The following WDR70 variants were observed in gnomAD, a reference collection of about 807,000 sequenced individuals.
WDR70 encodes the protein WD repeat-containing protein 70.
A neutral mutation model predicts 88.6 loss-of-function variants in WDR70; 53 were observed. The ratio of observed to expected loss-of-function variants is 0.60; its 90% CI spans 0.48 to 0.75. The LOEUF is 0.75. Among genes scored for constraint, WDR70 ranks in the 30% least tolerant of loss-of-function variants. The probability of loss-of-function intolerance (pLI) is 0.00; values close to 1 mark genes in which losing one functional copy is unlikely to be tolerated. For synonymous variants in WDR70, 280 were observed against 270.0 expected (o/e 1.04, Z -0.36); for missense variants, 610 against 823.2 (o/e 0.74, Z 3.17).
At chr5:37,449,406 A>G (rs540132501) in intron 7 of WDR70, among the ~76,000 whole-genome samples, 1 of 152,202 alleles carries the variant, frequency 6.6e-6, no homozygotes, top group South Asian at 2.1e-4. Flanking sequence ...AGCCTGGCCA[A>G]CATGGTGAAA....
intron 10 of WDR70, among the ~76,000 whole-genome samples, chr5:37,678,740 G>A (rs1253235609): frequency 2.6e-5 from 4 of 152,116 alleles, no homozygotes; most frequent in Non-Finnish European, 5.9e-5. Flanking sequence ...GAGTATTTTT[G>A]TGGCATTCTC....
chr5:37,384,120 G>A (rs1748523543), intron 3 of WDR70, among the ~76,000 whole-genome samples: 1 of 150,626 alleles, frequency 6.6e-6, no homozygotes. Flanking sequence ...GTAAGAGATA[G>A]GAAAAACCAA....
chr5:37,558,287 C>T (rs899561333), intron 9 of WDR70, among the ~76,000 whole-genome samples: 9 of 151,686 alleles, frequency 5.9e-5, no homozygotes, highest in African/African-American at 1.9e-4. Flanking sequence ...GTAGTTTGTC[C>T]TAAATGTTTT....
chr5:37,389,354 A>G (rs1748737881), intron 3 of WDR70, among the ~76,000 whole-genome samples: 1 of 150,566 alleles, frequency 6.6e-6, no homozygotes. Context: ...TCGGCCTCTC[A>G]AAGCGCAAGG....
At chr5:37,493,323 A>G (rs1379076570) in intron 8 of WDR70, among the ~76,000 whole-genome samples, 1 of 152,170 alleles carries the variant, frequency 6.6e-6, no homozygotes, top group Non-Finnish European at 1.5e-5. Flanking sequence ...AGCATTCCTA[A>G]TGCATTCCTT....
At chr5:37,536,044 A>T (rs1190355450) in intron 9 of WDR70, among the ~76,000 whole-genome samples, 9 of 152,206 alleles carry the variant, frequency 5.9e-5, no homozygotes, top group Non-Finnish European at 1.0e-4. Context: ...CTTTGGAAGG[A>T]CAAATTTCCT....
At chr5:37,627,484 T>C (rs1020004868) in intron 10 of WDR70, among the ~76,000 whole-genome samples, 2 of 152,150 alleles carry the variant, frequency 1.3e-5, no homozygotes, top group African/African-American at 4.8e-5. Flanking sequence ...TTGTTTTTTT[T>C]CTTCATTTTC....
At chr5:37,588,560 A>C (rs1743431747) in intron 9 of WDR70, among the ~76,000 whole-genome samples, 2 of 148,464 alleles carry the variant, frequency 1.3e-5, no homozygotes, top group Admixed American at 6.7e-5. Flanking sequence ...TCTCCATACT[A>C]TATTTAAGGT....
chr5:37,467,206 G>A (rs1308414768), intron 7 of WDR70, among the ~76,000 whole-genome samples: 31 of 135,598 alleles, frequency 2.3e-4, no homozygotes, highest in African/African-American at 7.9e-4. Flanking sequence ...CAGCCTGGAC[G>A]ACAGAATGAG....
At chr5:37,574,092 T>C (rs1347453133) in intron 9 of WDR70, among the ~76,000 whole-genome samples, 1 of 152,016 alleles carries the variant, frequency 6.6e-6, no homozygotes, top group African/African-American at 2.4e-5. Flanking sequence ...TTGAGAGGGG[T>C]GGAAGCAGGA....
intron 10 of WDR70, among the ~76,000 whole-genome samples, chr5:37,673,052 C>T (rs973042664): frequency 3.3e-5 from 5 of 152,144 alleles, no homozygotes; most frequent in Admixed American, 6.5e-5. Flanking sequence ...TCTCTCCTCC[C>T]ACCCTCCACC....
At position 37,403,726 on chromosome 5, in the gene WDR70, AT is replaced by A. The variant is rs879344106; in HGVS notation, c.492+7167del. Among the ~76,000 whole-genome samples, 94 of 149,820 alleles carry A rather than the reference AT, an allele frequency of 6.3e-4. 1 individual carries two copies. In the Middle Eastern group the frequency reaches 0.014, roughly 22 times the overall value. On this transcript the variant is annotated intron_variant, in intron 5 of 17. Transcript: ENST00000265107. ...AGTGTTAACTTTTTTAAAAAAATTA[AT>A]TTTTTTTTTTAAAGATGGGGTCTTG...
In WDR70 at chr5:37,741,236, CTTTTTTTTTT is replaced by C. The variant is rs5867363; in HGVS notation, c.1878-11239_1878-11230del. On this transcript the variant is annotated intron_variant, in intron 17 of 17. Coordinates refer to ENST00000265107, the MANE Select transcript of WDR70 (RefSeq NM_018034.4). ...TACTCCCAAGCCCAAGAGCCTAGTT[CTTTTTTTTTT>C]TTTTTTTTTTAATTTAAAAAGGTCT... Among the ~76,000 whole-genome samples the C allele has an allele frequency of 4.8e-4, 66 of 138,478 alleles. 1 individual carries two copies. The highest frequency in any genetic ancestry group is 1.6e-3 in the African/African-American group (60 of 37,126). The allele number at this position is 138,478 out of a possible 152,430, so 90.8% of individuals were successfully genotyped here.
chr5:37,691,772 T>C (rs552664291), intron 10 of WDR70, among the ~76,000 whole-genome samples: 16 of 152,220 alleles, frequency 1.1e-4, no homozygotes, highest in Admixed American at 7.8e-4. Flanking sequence ...AGATCTAAAA[T>C]TGACACCCTA....
At chr5:37,499,614 T>TCTCTCTCC (rs1740342810) in intron 8 of WDR70, among the ~76,000 whole-genome samples, 1 of 150,110 alleles carries the variant, frequency 6.7e-6, no homozygotes, top group Non-Finnish European at 1.5e-5. Context: ...TCTCTCTCTC[T>TCTCTCTCC]CTCTCTCTCT....
At chr5:37,629,278 G>T (rs1420960423) in intron 10 of WDR70, among the ~76,000 whole-genome samples, 3 of 152,146 alleles carry the variant, frequency 2.0e-5, no homozygotes, top group Admixed American at 2.0e-4. Flanking sequence ...GGTTGAATCT[G>T]TTTGGGGTTC....
intron 10 of WDR70, among the ~76,000 whole-genome samples, chr5:37,674,665 C>A (rs971842592): frequency 2.6e-5 from 4 of 152,146 alleles, no homozygotes; most frequent in African/African-American, 9.7e-5. Context: ...CAAGTCTTTG[C>A]TATTGTGAAT....
intron 9 of WDR70, among the ~76,000 whole-genome samples, chr5:37,537,350 G>A (rs1192812900): frequency 6.6e-6 from 1 of 152,172 alleles, no homozygotes; most frequent in Non-Finnish European, 1.5e-5. Context: ...AGGCAAAGGA[G>A]CACAGGAATG....
intron 10 of WDR70, among the ~76,000 whole-genome samples, chr5:37,645,274 G>A (rs1561047931): frequency 3.3e-5 from 5 of 150,622 alleles, no homozygotes; most frequent in African/African-American, 9.8e-5. Flanking sequence ...GTTTCATTTC[G>A]ATTTCCATGC....
Sources: allele counts gnomAD v4.1 joint callset (sites outside exome capture counted in the v4.1 genomes callset), GRCh38; gene constraint gnomAD v4.1.1; transcripts MANE v1.5; gene names NCBI Gene and HGNC (gene_info 2026-07-23, HGNC 2026-07-21).